CACNA1B: variants seen among roughly 807,000 people sequenced by gnomAD.
CACNA1B encodes voltage-dependent N-type calcium channel subunit alpha-1B.
Under a neutral mutation model 247.2 loss-of-function variants are expected in CACNA1B, and 70 were observed. That is an observed-to-expected ratio of 0.28 (90% confidence interval 0.23 to 0.35). The LOEUF (loss-of-function observed/expected upper bound fraction) is 0.35, where lower values mean the gene tolerates loss of function less well. CACNA1B is among the 10% of genes least tolerant of loss of function. CACNA1B has a pLI of 1.00. For missense variants in CACNA1B, 2,367 were observed against 3,197.4 expected (o/e 0.74, Z 6.26); for synonymous variants, 1,231 against 1,294.4 (o/e 0.95, Z 1.05).
At chr9:137,883,111 A>G in intron 3 of CACNA1B, 1 of 551,098 alleles carries the variant, frequency 1.8e-6, no homozygotes, top group South Asian at 2.1e-5. Context: ...GATCACAGTG[A>G]CCTGTCCCCA....
intron 21 of CACNA1B, 132 bp from the exon 22 acceptor site, chr9:138,046,772 G>T: frequency 1.2e-6 from 1 of 818,130 alleles, no homozygotes; most frequent in Non-Finnish European, 1.9e-6. Flanking sequence ...CATTAGCAAA[G>T]CGAAGCTCTG....
intron 32 of CACNA1B, among the ~76,000 whole-genome samples, chr9:138,070,896 G>A (rs891152524): frequency 2.0e-5 from 3 of 152,248 alleles, no homozygotes; most frequent in African/African-American, 7.2e-5. Context: ...CAGTTTTTCT[G>A]CACCTGCTGG....
At chr9:137,922,120 A>G (rs34251125) in intron 6 of CACNA1B, among the ~76,000 whole-genome samples, 3 of 144,204 alleles carry the variant, frequency 2.1e-5, no homozygotes, top group Non-Finnish European at 4.5e-5. Context: ...ATCACACAGC[A>G]TCCTGGGAGC....
Position 137,880,815 on chromosome 9 carries a change from G to A in CACNA1B, c.390+1656G>A, listed in dbSNP as rs1351351732. Among the ~76,000 whole-genome samples the A allele has an allele frequency of 2.6e-5, 4 of 152,146 alleles. No individual in the cohort carries two copies. The highest frequency in any genetic ancestry group is 5.9e-5 in the Non-Finnish European group (4 of 67,998). On this transcript the variant is annotated intron_variant, in intron 2 of 46. Coordinates refer to ENST00000371372, the MANE Select transcript of CACNA1B (RefSeq NM_000718.4). The surrounding 1 kb of genome is among the most constrained non-coding windows in gnomAD (Gnocchi z 4.8). ...CCCACAGAGCAGGCCGAGGCTGGGT[G>A]GTGCAGGGGCAGCCCCTCAGTTGTC...
At chr9:138,084,272 C>T (rs952008665) in intron 36 of CACNA1B, among the ~76,000 whole-genome samples, 2 of 151,396 alleles carry the variant, frequency 1.3e-5, no homozygotes, top group Admixed American at 1.3e-4. Flanking sequence ...TGAGCACCTG[C>T]ACCTGGAACC....
At chr9:137,993,548 C>T (rs927646071) in intron 15 of CACNA1B, among the ~76,000 whole-genome samples, 4 of 152,132 alleles carry the variant, frequency 2.6e-5, no homozygotes, top group South Asian at 2.1e-4. Flanking sequence ...AAAGATTATT[C>T]GAAGCTACTA....
At chr9:137,928,584 T>G (rs927618217) in intron 6 of CACNA1B, among the ~76,000 whole-genome samples, 1 of 152,236 alleles carries the variant, frequency 6.6e-6, no homozygotes, top group African/African-American at 2.4e-5. Flanking sequence ...CTTAGAAATT[T>G]CTTTTTGGAG....
intron 3 of CACNA1B, among the ~76,000 whole-genome samples, chr9:137,896,218 G>C (rs999423642): frequency 1.4e-5 from 2 of 142,486 alleles, no homozygotes; most frequent in African/African-American, 5.2e-5. Context: ...CAGCCTGGGG[G>C]ACAGAGCGAG....
intron 6 of CACNA1B, among the ~76,000 whole-genome samples, chr9:137,924,787 A>G (rs1324050921): frequency 6.6e-6 from 1 of 152,052 alleles, no homozygotes; most frequent in Non-Finnish European, 1.5e-5. Context: ...ATTTTCTTTG[A>G]ATGATTCTAA....
chr9:138,030,233 G>GT lies in CACNA1B; in HGVS notation c.3286+5067dup, dbSNP rs538324049. On this transcript the variant is annotated intron_variant, in intron 20 of 46. Transcript: ENST00000371372. ...GTTTGGTTGTTTTTTGTTTTGTTTT[G>GT]TTTTTTGGTAGATGTTCTTTATCAA... Among the ~76,000 whole-genome samples, 381 of 150,444 alleles carry GT rather than the reference G, an allele frequency of 2.5e-3. 3 individuals carry two copies. Among genetic ancestry groups the GT allele is most frequent in the Non-Finnish European group, 4.0e-3 (272 of 67,532 alleles).
intron 23 of CACNA1B, among the ~76,000 whole-genome samples, chr9:138,048,144 T>TAAA (rs1758914888): frequency 6.6e-6 from 1 of 152,248 alleles, no homozygotes; most frequent in Admixed American, 6.5e-5. Context: ...TTACCTCTGC[T>TAAA]ATTTCACTCT....
chr9:137,949,143 C>CTGTGTCTGATGTGTGTGG (rs1564203293), intron 6 of CACNA1B, among the ~76,000 whole-genome samples: 4 of 1,172 alleles, frequency 3.4e-3, no homozygotes, highest in East Asian at 0.019. Flanking sequence ...TGTGGTGTAT[C>CTGTGTCTGATGTGTGTGG]TGTGCATGTG....
Position 138,100,897 on chromosome 9 carries a change from C to T in CACNA1B, c.5223-1814C>T, listed in dbSNP as rs1002378592. On this transcript the variant is annotated intron_variant, in intron 37 of 46. Transcript: ENST00000371372. The surrounding 1 kb of genome is among the most constrained non-coding windows in gnomAD (Gnocchi z 4.6). ...TGTGTGGAGCGGCTCCTGCACACATCGGGCTCCGGAAATTTCGCTGGGGTT... is the reference window on the plus strand; with the variant it reads ...TGTGTGGAGCGGCTCCTGCACACATTGGGCTCCGGAAATTTCGCTGGGGTT... Among the ~76,000 whole-genome samples, 6 of 152,022 alleles carry T rather than the reference C, an allele frequency of 3.9e-5. No homozygotes were observed. The highest frequency in any genetic ancestry group is 1.2e-4 in the African/African-American group (5 of 41,388).
Position 138,043,856 on chromosome 9 carries a change from T to C in CACNA1B, c.3369T>C (p.Pro1123=). 1 of 1,613,972 alleles carries C rather than the reference T, an allele frequency of 6.2e-7. No homozygotes were observed. The highest frequency in any genetic ancestry group is 8.5e-7 in the Non-Finnish European group (1 of 1,179,860). Residue 1123 remains proline (P), a synonymous_variant, in exon 21 of 47, where the codon CCT becomes CCC. Coordinates refer to ENST00000371372, the MANE Select transcript of CACNA1B (RefSeq NM_000718.4). The part of the protein sequence containing the change: ...ADDVMRSGPR[P]IVPYSSMFCL... ...ACGTGATGAGGAGCGGCCCCCGGCC[T>C]ATCGTCCCATACAGCTCCATGTTCT...
intron 37 of CACNA1B, chr9:138,101,158 C>T (rs765279600): frequency 3.8e-6 from 2 of 533,116 alleles, no homozygotes; most frequent in South Asian, 2.8e-5. Flanking sequence ...TTGCGCCACC[C>T]GTTGGCTTAG....
chr9:138,113,542 A>G (rs1961738682), intron 40 of CACNA1B, among the ~76,000 whole-genome samples: 1 of 139,388 alleles, frequency 7.2e-6, no homozygotes, highest in Admixed American at 7.1e-5. Flanking sequence ...CTTGTGGGAG[A>G]CGTGAGGGAG....
rs1022919322 is a variant in CACNA1B, at chr9:137,914,908, G to A, written c.775+102G>A. ...TGCTAGAGGGGCCTTCTTGGTGCCA[G>A]ATACATGAGGTGGAGCTGACATTCT... On this transcript the variant is annotated intron_variant, in intron 5 of 46. Transcript: ENST00000371372. The surrounding 1 kb of genome is among the most constrained non-coding windows in gnomAD (Gnocchi z 4.3). 2.9e-5 allele frequency: 37 copies of A among 1,293,438 alleles called. No homozygotes were observed. The highest frequency in any genetic ancestry group is 3.9e-5 in the Non-Finnish European group (37 of 948,648). 80.1% of individuals were successfully genotyped at this position (1,293,438 alleles called of 1,614,324 possible). A position where few individuals can be genotyped will look rare whatever the true frequency, so the allele number is the denominator to read the frequency against.
At chr9:137,910,967 G>A (rs1957353704) in intron 3 of CACNA1B, among the ~76,000 whole-genome samples, 1 of 152,114 alleles carries the variant, frequency 6.6e-6, no homozygotes, top group African/African-American at 2.4e-5. Flanking sequence ...CAAATCCAAT[G>A]TTATGAATAT....
chr9:138,097,231 G>A (rs555787665), intron 37 of CACNA1B, among the ~76,000 whole-genome samples: 1 of 152,222 alleles, frequency 6.6e-6, no homozygotes, highest in East Asian at 1.9e-4. Flanking sequence ...TCTATCATCT[G>A]TCATCGTGGG....
Sources: allele counts gnomAD v4.1 joint callset (sites outside exome capture counted in the v4.1 genomes callset), GRCh38; gene constraint gnomAD v4.1.1; non-coding constraint Gnocchi (gnomAD v3.1); transcripts MANE v1.5; gene names NCBI Gene and HGNC (gene_info 2026-07-23, HGNC 2026-07-21).